The following CHN2 variants were observed in gnomAD, a reference collection of about 807,000 sequenced individuals.
CHN2 encodes beta-chimaerin.
Under a neutral mutation model 56.3 loss-of-function variants are expected in CHN2, and 35 were observed. That is an observed-to-expected ratio of 0.62 (90% CI 0.47 to 0.82). The LOEUF (loss-of-function observed/expected upper bound fraction) is 0.82. Among genes scored for constraint, CHN2 ranks in the 40% least tolerant of loss-of-function variants. The probability of loss-of-function intolerance (pLI) is 0.00; values close to 1 mark genes in which losing one functional copy is unlikely to be tolerated. For synonymous variants in CHN2, 210 were observed against 212.8 expected (o/e 0.99, Z 0.12); for missense variants, 491 against 580.5 (o/e 0.85, Z 1.58).
intron 6 of CHN2, among the ~76,000 whole-genome samples, chr7:29,417,824 A>G (rs1803930334): frequency 6.6e-6 from 1 of 152,170 alleles, no homozygotes; most frequent in Non-Finnish European, 1.5e-5. Context: ...AATACTAGTA[A>G]GGTATTGTAG....
At chr7:29,458,417 A>ACC (rs1336624389) in intron 6 of CHN2, among the ~76,000 whole-genome samples, 55 of 138,784 alleles carry the variant, frequency 4.0e-4, no homozygotes, top group Non-Finnish European at 4.9e-4. Context: ...ACACACACAC[A>ACC]CCCCATGCAT....
chr7:29,444,746 C>A (rs1190200999), intron 6 of CHN2, among the ~76,000 whole-genome samples: 1 of 152,144 alleles, frequency 6.6e-6, no homozygotes, highest in Non-Finnish European at 1.5e-5. Context: ...GCTTGCATAT[C>A]CAGAGATGAG....
chr7:29,508,879 G>A (rs937554710), intron 11 of CHN2, among the ~76,000 whole-genome samples: 5 of 152,098 alleles, frequency 3.3e-5, no homozygotes, highest in African/African-American at 1.2e-4. Context: ...GTAGAAGTCC[G>A]CCAGGGAAAG....
rs781727557 is a variant in CHN2 at position 29,499,861 on chromosome 7, T to C, written c.740-6T>C. On this transcript the variant is annotated splice_region_variant and splice_polypyrimidine_tract_variant and intron_variant, in intron 8 of 12. Transcript: ENST00000222792. ...GGCTAGGCTAATGTGGCTTCTTTGT[T>C]TACAGACTGTGGATTGAACGTACAC... is the stretch of plus-strand genomic sequence containing the variant. The C allele has an allele frequency of 6.4e-7, 1 of 1,571,522 alleles. No homozygotes were observed. Among genetic ancestry groups the C allele is most frequent in the Non-Finnish European group, 8.6e-7 (1 of 1,160,686 alleles).
At chr7:29,390,406 A>G (rs1013241814) in intron 3 of CHN2, among the ~76,000 whole-genome samples, 1 of 152,206 alleles carries the variant, frequency 6.6e-6, no homozygotes, top group Non-Finnish European at 1.5e-5. Context: ...CAGGTGATGG[A>G]TTGACCAGCT....
intron 6 of CHN2, among the ~76,000 whole-genome samples, chr7:29,443,237 GC>G (rs756540671): frequency 1.6e-4 from 24 of 152,146 alleles, no homozygotes; most frequent in Non-Finnish European, 3.2e-4. Context: ...ACTGTGCCCG[GC>G]CCAATTTCAT....
At chr7:29,404,882 A>G (rs1802504674) in intron 6 of CHN2, among the ~76,000 whole-genome samples, 1 of 152,038 alleles carries the variant, frequency 6.6e-6, no homozygotes, top group Admixed American at 6.6e-5. Flanking sequence ...GCTTTAGCAT[A>G]TATTTTTTTC....
At chr7:29,146,724 G>C in exon 1 of CHN2, 1 of 1,550,526 alleles carries the variant, frequency 6.4e-7, no homozygotes, top group South Asian at 1.2e-5. Context: ...TTAATGAAGA[G>C]CATCGGCGGG....
Position 29,334,088 on chromosome 7 carries a change from A to G in CHN2, c.50-20537A>G, listed in dbSNP as rs1014139636. ...TTTTTTTGAGACTGAGTCTCCCTCC[A>G]TTGCCCAGGCTGGAGTGCAGTGGCG... On this transcript the variant is annotated intron_variant, in intron 1 of 12. Coordinates refer to ENST00000222792, the MANE Select transcript of CHN2 (RefSeq NM_004067.4). Among the ~76,000 whole-genome samples, 9 of 125,382 alleles carry G rather than the reference A, an allele frequency of 7.2e-5. 1 individual carries two copies. The South Asian group carries it at 1.5e-3, about 20-fold the overall frequency. The allele number at this position is 125,382 out of a possible 152,430, so 82.3% of individuals were successfully genotyped here. A position where few individuals can be genotyped will look rare whatever the true frequency, so the allele number is the denominator to read the frequency against.
rs142283992 is a variant in CHN2, at chr7:29,398,868, C to T, written c.290+382C>T. ...CCGCCTGTCTCAGCCTCCCAAAGTT[C>T]TGGGATTACAGTCAGGAGCCACTGC... is the stretch of plus-strand genomic sequence containing the variant. On this transcript the variant is annotated intron_variant, in intron 5 of 12. Transcript: ENST00000222792. Among the ~76,000 whole-genome samples the T allele has an allele frequency of 2.9e-3, 432 of 151,308 alleles. 11 individuals are homozygous for T. The East Asian group carries it at 0.053, about 18-fold the overall frequency.
Position 29,290,272 on chromosome 7 carries a change from T to A in CHN2, c.50-64353T>A, listed in dbSNP as rs78739638. 5.6e-3 allele frequency among the ~76,000 whole-genome samples: 848 copies of A among 152,364 alleles called. 9 individuals carry two copies. Among genetic ancestry groups the A allele is most frequent in the African/African-American group, 0.02 (817 of 41,586 alleles). ...AGATGTTCTGGCTATATTTTGTCTC[T>A]GAACAGTCCCTTTTGCTTTTATGCA... On this transcript the variant is annotated intron_variant, in intron 1 of 12. Transcript: ENST00000222792.
rs768438136 is a variant in CHN2 at position 29,146,806 on chromosome 7, TA to T, written c.163-39del. Reference sequence around the variant, plus strand: ...TCCCAGTTTTTAAAAGCTGCTATCTTAAAATTTCAACCCTGTATTTTGAAAT... The same window carrying T: ...TCCCAGTTTTTAAAAGCTGCTATCTTAAATTTCAACCCTGTATTTTGAAAT... On this transcript the variant is annotated intron_variant, in intron 1 of 6. Coordinates refer to the CHN2 transcript ENST00000439384. 9.6e-4 allele frequency: 1,493 copies of T among 1,549,862 alleles called. 1 individual carries two copies. The highest frequency in any genetic ancestry group is 3.2e-3 in the Middle Eastern group (19 of 5,988).
intron 6 of CHN2, among the ~76,000 whole-genome samples, chr7:29,458,194 G>T (rs1784903128): frequency 6.6e-6 from 1 of 152,116 alleles, no homozygotes; most frequent in African/African-American, 2.4e-5. Flanking sequence ...TCATAGGTGT[G>T]GTTAGGGAGA....
intron 6 of CHN2, among the ~76,000 whole-genome samples, chr7:29,464,083 T>C (rs1379663144): frequency 1.3e-5 from 2 of 152,214 alleles, no homozygotes; most frequent in African/African-American, 2.4e-5. Context: ...ATGTGTGCAT[T>C]GTTCAGGGTA....
intron 6 of CHN2, among the ~76,000 whole-genome samples, chr7:29,422,247 G>A (rs775128055): frequency 3.5e-4 from 53 of 152,196 alleles, no homozygotes; most frequent in Non-Finnish European, 5.6e-4. Flanking sequence ...TGGAAGGTTG[G>A]GCGTGGAACC....
chr7:29,493,995 A>G (rs984385402), intron 7 of CHN2, among the ~76,000 whole-genome samples: 3 of 152,032 alleles, frequency 2.0e-5, no homozygotes, highest in Non-Finnish European at 4.4e-5. Flanking sequence ...CTTCAGCTTC[A>G]CTCCAATTCC....
chr7:29,467,341 G>A (rs887231720), intron 6 of CHN2, among the ~76,000 whole-genome samples: 3 of 152,104 alleles, frequency 2.0e-5, no homozygotes, highest in Admixed American at 6.6e-5. Flanking sequence ...TTTGATATGC[G>A]TGTTTGTGTG....
chr7:29,334,733 G>A (rs1239359785), intron 1 of CHN2, among the ~76,000 whole-genome samples: 1 of 152,090 alleles, frequency 6.6e-6, no homozygotes, highest in Non-Finnish European at 1.5e-5. Context: ...TCCAGCCTGG[G>A]CGACAGAGCC....
chr7:29,369,608 T>G (rs964162706), intron 3 of CHN2, among the ~76,000 whole-genome samples: 7 of 152,112 alleles, frequency 4.6e-5, no homozygotes, highest in South Asian at 2.1e-4. Context: ...AAGAGAGAGA[T>G]AGAGAGAAAA....
Sources: gnomAD v4.1 joint callset for allele counts (sites outside exome capture counted in the v4.1 genomes callset) on GRCh38, gnomAD v4.1.1 for gene constraint, MANE v1.5 for transcripts, NCBI Gene and HGNC (gene_info 2026-07-23, HGNC 2026-07-21) for gene names.